The following CHODL variants were observed in gnomAD, a reference collection of about 807,000 sequenced individuals.
CHODL encodes chondrolectin.
Under a neutral mutation model 34.5 loss-of-function variants are expected in CHODL, and 29 were observed. The ratio of observed to expected loss-of-function variants is 0.84; its 90% confidence interval spans 0.63 to 1.15. The LOEUF (loss-of-function observed/expected upper bound fraction) is 1.15. CHODL is among the 50% of genes most tolerant of loss of function. CHODL has a pLI of 0.00. For missense variants in CHODL, 332 were observed against 332.5 expected (o/e 1.00, Z 0.01); for synonymous variants, 125 against 116.1 (o/e 1.08, Z -0.49).
At chr21:18,019,596 T>A (rs1339440079) in intron 1 of CHODL, among the ~76,000 whole-genome samples, 1 of 152,210 alleles carries the variant, frequency 6.6e-6, no homozygotes, top group Non-Finnish European at 1.5e-5. Context: ...CATAATTATA[T>A]ATAACTACTA....
chr21:17,932,599 A>G (rs2063283074), intron 1 of CHODL, among the ~76,000 whole-genome samples: 1 of 70 alleles, frequency 0.014, no homozygotes, highest in South Asian at 0.25. Context: ...AACGTGGTAT[A>G]TATACTCCCG....
At chr21:18,213,461 A>G (rs2073793191) in intron 2 of CHODL, among the ~76,000 whole-genome samples, 1 of 152,084 alleles carries the variant, frequency 6.6e-6, no homozygotes, top group South Asian at 2.1e-4. Context: ...GGGACACAAA[A>G]AACACTTTTC....
In CHODL at chr21:18,256,681, G is replaced by A. The variant is rs773436892; in HGVS notation, c.252G>A (p.Leu84=). Reference sequence around the variant, plus strand: ...AACAGAAGTTAATAGAGAGCATGTTGCAAAACCTGACAAAACCCGGGACAG... The same window carrying A: ...AACAGAAGTTAATAGAGAGCATGTTACAAAACCTGACAAAACCCGGGACAG... ...EAEQKLIESM[L]QNLTKPGTGI... Residue 84 remains leucine, a synonymous_variant, in exon 2 of 6, where the codon TTG becomes TTA. Coordinates refer to ENST00000299295, the MANE Select transcript of CHODL (RefSeq NM_024944.3). 2 of 1,614,050 alleles carry A rather than the reference G, an allele frequency of 1.2e-6. No homozygotes were observed. The highest frequency in any genetic ancestry group is 4.5e-5 in the East Asian group (2 of 44,874).
chr21:17,983,266 A>G (rs530211130), intron 1 of CHODL, among the ~76,000 whole-genome samples: 35 of 152,344 alleles, frequency 2.3e-4, no homozygotes, highest in Middle Eastern at 6.8e-3. Flanking sequence ...GACATAGTAT[A>G]TGGCACTTAA....
At chr21:18,234,472 G>A (rs2074010899) in intron 2 of CHODL, among the ~76,000 whole-genome samples, 2 of 152,156 alleles carry the variant, frequency 1.3e-5, no homozygotes, top group Admixed American at 6.5e-5. Flanking sequence ...CCTCTTCAAA[G>A]CTTTCATTAT....
chr21:18,087,689 G>C (rs1180662516), intron 2 of CHODL, among the ~76,000 whole-genome samples: 6 of 152,116 alleles, frequency 3.9e-5, no homozygotes, highest in South Asian at 2.1e-4. Context: ...ATCCTCCCAG[G>C]TAAGCAGTGT....
chr21:18,231,041 T>C (rs1379054465), intron 2 of CHODL, among the ~76,000 whole-genome samples: 2 of 152,132 alleles, frequency 1.3e-5, no homozygotes, highest in African/African-American at 4.8e-5. Context: ...GCCCCGACCA[T>C]GGGCGGAACA....
At chr21:17,970,311 T>C (rs1195816500) in intron 1 of CHODL, among the ~76,000 whole-genome samples, 1 of 152,202 alleles carries the variant, frequency 6.6e-6, no homozygotes, top group Non-Finnish European at 1.5e-5. Flanking sequence ...AATTTTTATC[T>C]TTCTGTCTTC....
intron 1 of CHODL, among the ~76,000 whole-genome samples, chr21:18,250,856 C>CT (rs1008916034): frequency 2.0e-5 from 3 of 151,222 alleles, no homozygotes; most frequent in Non-Finnish European, 3.0e-5. Flanking sequence ...CTCTTTTTTA[C>CT]TTTTTTTTGC....
At chr21:18,039,666 A>G (rs1406921825) in intron 2 of CHODL, among the ~76,000 whole-genome samples, 2 of 151,740 alleles carry the variant, frequency 1.3e-5, no homozygotes, top group Non-Finnish European at 3.0e-5. Context: ...GGGGCTCCTT[A>G]GAGATCCTGA....
At chr21:18,210,153 C>T (rs547565954) in intron 2 of CHODL, among the ~76,000 whole-genome samples, 94 of 152,134 alleles carry the variant, frequency 6.2e-4, no homozygotes, top group Admixed American at 2.2e-3. Context: ...CTTGCCAGAA[C>T]TCAGGTTCTG....
chr21:18,044,589 G>A (rs1212222228), intron 2 of CHODL, among the ~76,000 whole-genome samples: 2 of 151,850 alleles, frequency 1.3e-5, no homozygotes, highest in African/African-American at 2.4e-5. Context: ...CAGACACACT[G>A]CCATTTTCTG....
At chr21:17,979,611 G>A (rs890494402) in intron 1 of CHODL, among the ~76,000 whole-genome samples, 1 of 152,192 alleles carries the variant, frequency 6.6e-6, no homozygotes, top group Non-Finnish European at 1.5e-5. Context: ...TGAGTAAAGA[G>A]CGTTGGAAAT....
In CHODL at chr21:17,965,661, G is replaced by A. The variant is rs114631854; in HGVS notation, c.-145+48261G>A. Among the ~76,000 whole-genome samples, 390 of 152,226 alleles carry A rather than the reference G, an allele frequency of 2.6e-3. 4 individuals carry two copies. The highest frequency in any genetic ancestry group is 9.1e-3 in the African/African-American group (377 of 41,518). On this transcript the variant is annotated intron_variant, in intron 1 of 6. Coordinates refer to the CHODL transcript ENST00000400127. ...GATTTCACGTCACTTTCTTCTGCTAGATTGTGAGTTTCTTGAGCAGAGGGT... is the reference window on the plus strand; with the variant it reads ...GATTTCACGTCACTTTCTTCTGCTAAATTGTGAGTTTCTTGAGCAGAGGGT...
intron 1 of CHODL, among the ~76,000 whole-genome samples, chr21:17,994,263 G>T (rs943248600): frequency 6.6e-6 from 1 of 152,202 alleles, no homozygotes; most frequent in Admixed American, 6.5e-5. Flanking sequence ...CAGGCCTGCA[G>T]CAGCATGCTT....
rs2064337191 is a variant in CHODL at position 18,038,494 on chromosome 21, T to TA, written c.-45+10526dup. The stretch of plus-strand genomic sequence containing the variant: ...TAGCTGGACTCTATGTCATGATAGT[T>TA]AAAGTCGTTTCTGAGATAGTTTGCT... On this transcript the variant is annotated intron_variant, in intron 2 of 6. Transcript: ENST00000400127. Among the ~76,000 whole-genome samples the TA allele has an allele frequency of 4.6e-5, 7 of 151,880 alleles. No individual in the cohort carries two copies. In the South Asian group the frequency reaches 1.4e-3, roughly 31 times the overall value.
chr21:17,979,592 CATT>C (rs1360453903), intron 1 of CHODL, among the ~76,000 whole-genome samples: 4 of 152,104 alleles, frequency 2.6e-5, no homozygotes, highest in Non-Finnish European at 5.9e-5. Flanking sequence ...TAGTGATTAA[CATT>C]ATGGCTGAGT....
intron 2 of CHODL, among the ~76,000 whole-genome samples, chr21:18,172,765 C>CA (rs35317850): frequency 2.6e-5 from 4 of 152,152 alleles, no homozygotes; most frequent in Admixed American, 2.0e-4. Flanking sequence ...GTGTAACAAC[C>CA]AAAAATTTTG....
At chr21:17,966,351 G>A (rs1007691006) in intron 1 of CHODL, among the ~76,000 whole-genome samples, 2 of 152,160 alleles carry the variant, frequency 1.3e-5, no homozygotes, top group African/African-American at 2.4e-5. Context: ...ACATTTGGGC[G>A]GCAGTAGGTA....
Sources: allele counts gnomAD v4.1 joint callset (sites outside exome capture counted in the v4.1 genomes callset), GRCh38; gene constraint gnomAD v4.1.1; transcripts MANE v1.5; gene names NCBI Gene and HGNC (gene_info 2026-07-23, HGNC 2026-07-21).